Variants in FGGY observed in about 807,000 individuals in gnomAD.
FGGY encodes the protein FGGY carbohydrate kinase domain containing, also known as FGGY carbohydrate kinase domain-containing protein.
In FGGY, 72 loss-of-function variants were observed where a neutral mutation model predicts 71.3. That is an observed-to-expected ratio of 1.01 (90% CI 0.84 to 1.23). FGGY has a LOEUF of 1.23. Among genes scored for constraint, FGGY ranks in the 50% most tolerant of loss-of-function variants. FGGY has a pLI of 0.00. For missense variants in FGGY, 668 were observed against 682.3 expected, an observed-to-expected ratio of 0.98 and a Z score of 0.23; for synonymous variants, 251 against 250.3, an observed-to-expected ratio of 1.00 and a Z score of -0.02.
chr1:59,605,407 G>A (rs1051807183), intron 8 of FGGY, among the ~76,000 whole-genome samples: 12 of 152,058 alleles, frequency 7.9e-5, no homozygotes, highest in Non-Finnish European at 1.3e-4. Flanking sequence ...TCTCAAGATC[G>A]GATGCTCTTT....
At chr1:59,746,131 C>T (rs2098195214) in intron 14 of FGGY, among the ~76,000 whole-genome samples, 1 of 152,118 alleles carries the variant, frequency 6.6e-6, no homozygotes, top group Non-Finnish European at 1.5e-5. Flanking sequence ...ATCTAGGAGC[C>T]TTAGCCTCAT....
intron 6 of FGGY, among the ~76,000 whole-genome samples, chr1:59,457,764 C>A (rs1220073466): frequency 6.6e-6 from 1 of 152,068 alleles, no homozygotes; most frequent in African/African-American, 2.4e-5. Flanking sequence ...CAAGGCAAGG[C>A]TGTGAACAGG....
chr1:59,568,062 A>G (rs1175314572), intron 8 of FGGY, among the ~76,000 whole-genome samples: 1 of 152,080 alleles, frequency 6.6e-6, no homozygotes, highest in African/African-American at 2.4e-5. Flanking sequence ...CTGTATATAT[A>G]CAATATAATG....
At chr1:59,586,236 A>C (rs1475703460) in intron 8 of FGGY, among the ~76,000 whole-genome samples, 1 of 152,226 alleles carries the variant, frequency 6.6e-6, no homozygotes, top group Non-Finnish European at 1.5e-5. Context: ...CACTATTCAC[A>C]ATAGCAAAGA....
chr1:59,484,698 AAAT>A (rs1275522956), intron 6 of FGGY, among the ~76,000 whole-genome samples: 1 of 152,220 alleles, frequency 6.6e-6, no homozygotes, highest in Non-Finnish European at 1.5e-5. Flanking sequence ...AATATGAAGT[AAAT>A]AATGTGTGTT....
chr1:59,752,336 CT>C (rs1380608072), intron 14 of FGGY, among the ~76,000 whole-genome samples: 1 of 152,164 alleles, frequency 6.6e-6, no homozygotes, highest in Admixed American at 6.5e-5. Flanking sequence ...GATGTGATTT[CT>C]GCCTTCTGGG....
chr1:59,653,149 T>C (rs2097182080), intron 11 of FGGY, among the ~76,000 whole-genome samples: 3 of 152,240 alleles, frequency 2.0e-5, no homozygotes, highest in African/African-American at 7.2e-5. Flanking sequence ...ACCACTGCTC[T>C]CTTCAAAGCT....
chr1:59,652,236 G>A (rs1468406131), intron 11 of FGGY, among the ~76,000 whole-genome samples: 16 of 147,540 alleles, frequency 1.1e-4, no homozygotes, highest in Non-Finnish European at 1.5e-4. Context: ...GTGTCTTGGA[G>A]TTGCTCTTCT....
At chr1:59,730,619 A>G (rs2098014507) in intron 14 of FGGY, among the ~76,000 whole-genome samples, 2 of 152,310 alleles carry the variant, frequency 1.3e-5, no homozygotes, top group African/African-American at 2.4e-5. Flanking sequence ...AGGTGCCTAC[A>G]TTATTACAGT....
intron 3 of FGGY, among the ~76,000 whole-genome samples, chr1:59,344,662 T>TA: frequency 6.6e-6 from 1 of 152,230 alleles, no homozygotes; most frequent in East Asian, 1.9e-4. Flanking sequence ...TAAAATGGCA[T>TA]CGTATTTGCG....
At position 59,373,461 on chromosome 1, in the gene FGGY, C is replaced by T. The variant is rs1374975142; in HGVS notation, c.466-5288C>T. ...GCTCATGGATAGGAAGAATCAATATCGTGAAAATGGCCATACTGCCCAAGG... is the reference window on the plus strand; with the variant it reads ...GCTCATGGATAGGAAGAATCAATATTGTGAAAATGGCCATACTGCCCAAGG... On this transcript the variant is annotated intron_variant, in intron 4 of 15. Transcript: ENST00000303721. Among the ~76,000 whole-genome samples the T allele has an allele frequency of 3.3e-5, 5 of 152,026 alleles. 1 individual carries two copies. The South Asian group carries it at 6.2e-4, about 19-fold the overall frequency.
chr1:59,486,107 C>T (rs1036722327), intron 6 of FGGY, among the ~76,000 whole-genome samples: 1 of 152,122 alleles, frequency 6.6e-6, no homozygotes, highest in South Asian at 2.1e-4. Context: ...GGGACAATAC[C>T]TCACCATTGT....
At chr1:59,516,994 T>G (rs995554830) in intron 7 of FGGY, among the ~76,000 whole-genome samples, 2 of 152,128 alleles carry the variant, frequency 1.3e-5, no homozygotes, top group Non-Finnish European at 2.9e-5. Flanking sequence ...TTTGTGGGAA[T>G]AAAAATCAAT....
At chr1:59,364,959 A>G (rs1158545281) in intron 4 of FGGY, among the ~76,000 whole-genome samples, 1 of 152,202 alleles carries the variant, frequency 6.6e-6, no homozygotes, top group Non-Finnish European at 1.5e-5. Flanking sequence ...CTCCTTTGGT[A>G]GAGGTAGAAG....
intron 4 of FGGY, among the ~76,000 whole-genome samples, chr1:59,363,540 A>T (rs986334631): frequency 7.2e-5 from 11 of 152,224 alleles, no homozygotes; most frequent in African/African-American, 2.2e-4. Flanking sequence ...TCAAGGCCAC[A>T]TAGCTACAGA....
chr1:59,325,322 A>T (rs377033797), intron 2 of FGGY, among the ~76,000 whole-genome samples: 1 of 152,058 alleles, frequency 6.6e-6, no homozygotes, highest in South Asian at 2.1e-4. Flanking sequence ...GCGCCATTGC[A>T]CTCCAGCCTG....
intron 11 of FGGY, among the ~76,000 whole-genome samples, chr1:59,655,522 G>T (rs111891725): frequency 0.039 from 5,900 of 151,698 alleles, 148 homozygotes; most frequent in Non-Finnish European, 0.061. Flanking sequence ...GTGAGAACAT[G>T]TGGTGTTTGG....
At chr1:59,361,547 C>G (rs527897733) in intron 4 of FGGY, among the ~76,000 whole-genome samples, 3 of 152,260 alleles carry the variant, frequency 2.0e-5, no homozygotes, top group African/African-American at 7.2e-5. Context: ...ATAGTGAGAG[C>G]TTAGACTGCA....
chr1:59,360,712 A>G (rs1472634742), intron 4 of FGGY, among the ~76,000 whole-genome samples: 2 of 152,222 alleles, frequency 1.3e-5, no homozygotes, highest in African/African-American at 2.4e-5. Flanking sequence ...AGTGAGGTCT[A>G]TTTTTCATAT....
Sources: allele counts gnomAD v4.1 joint callset (sites outside exome capture counted in the v4.1 genomes callset), GRCh38; gene constraint gnomAD v4.1.1; transcripts MANE v1.5; gene names NCBI Gene and HGNC (gene_info 2026-07-23, HGNC 2026-07-21).